Variants in OR14A2 observed in about 807,000 individuals in gnomAD.
The protein encoded by OR14A2 is olfactory receptor family 14 subfamily A member 2.
For synonymous variants in OR14A2, 114 were observed against 58.6 expected (o/e 1.95, Z -4.32); for missense variants, 237 against 152.9 (o/e 1.55, Z -2.90).
chr1:247,740,041 T>C, the OR14A2 span, among the ~76,000 whole-genome samples: 1 of 152,176 alleles, frequency 6.6e-6, no homozygotes, highest in Admixed American at 6.5e-5. Context: ...TGACATCTGT[T>C]ATTCATGTAG....
chr1:247,723,457 G>T (rs772534070), exon 1 of OR14A2: 46 of 717,444 alleles, frequency 6.4e-5, no homozygotes, highest in Non-Finnish European at 1.1e-4. Context: ...TCCAATACCT[G>T]CATAAATTAC....
At chr1:247,732,442 T>C in the OR14A2 span, among the ~76,000 whole-genome samples, 7 of 152,112 alleles carry the variant, frequency 4.6e-5, no homozygotes, top group Non-Finnish European at 1.0e-4. Context: ...TATTCAGGTG[T>C]TTTTTATATT....
chr1:247,744,059 G>A, the OR14A2 span, among the ~76,000 whole-genome samples: 1 of 151,972 alleles, frequency 6.6e-6, no homozygotes, highest in African/African-American at 2.4e-5. The surrounding 1 kb of genome is among the most constrained non-coding windows in gnomAD (Gnocchi z 4.3). Flanking sequence ...CTTTTTCTCT[G>A]AAGTTCTACC....
At chr1:247,726,949 C>T (rs9659042), upstream of OR14A2, among the ~76,000 whole-genome samples, 7,671 of 132,610 alleles carry the variant, frequency 0.058, 302 homozygotes, top group African/African-American at 0.14. Flanking sequence ...TGTAGTATAG[C>T]TTGAAGTCAG....
At chr1:247,736,378 T>A in the OR14A2 span, among the ~76,000 whole-genome samples, 1 of 152,196 alleles carries the variant, frequency 6.6e-6, no homozygotes, top group African/African-American at 2.4e-5. Context: ...CAGTTTTAGA[T>A]TGATTGAGAC....
chr1:247,725,996 G>A (rs1193756171), upstream of OR14A2, among the ~76,000 whole-genome samples: 1 of 144,506 alleles, frequency 6.9e-6, no homozygotes, highest in Non-Finnish European at 1.5e-5. Flanking sequence ...AAACATACGT[G>A]TGCATGTGTC....
the OR14A2 span, chr1:247,738,921 G>T: frequency 1.3e-6 from 1 of 780,566 alleles, no homozygotes; most frequent in Non-Finnish European, 2.4e-6. Context: ...CTTCTTGGTG[G>T]TACTGCTGGC....
At chr1:247,743,652 G>T in the OR14A2 span, among the ~76,000 whole-genome samples, 7,889 of 151,974 alleles carry the variant, frequency 0.052, 271 homozygotes, top group Middle Eastern at 0.12. Flanking sequence ...GCCTTTTTTT[G>T]TGTGTTGCCT....
Position 247,724,023 on chromosome 1 carries a change from C to T in OR14A2, c.21G>A (p.Val7=), listed in dbSNP as rs1203554360. 5.6e-6 allele frequency: 4 copies of T among 711,976 alleles called. No individual in the cohort carries two copies. In the African/African-American group the frequency reaches 7.1e-5, roughly 13 times the overall value. 44.1% of individuals were successfully genotyped at this position (711,976 alleles called of 1,614,324 possible). A position where few individuals can be genotyped will look rare whatever the true frequency, so the allele number is the denominator to read the frequency against. Residue 7 remains valine, a synonymous_variant, in exon 1 of 1, where the codon GTG becomes GTA. Coordinates refer to ENST00000366485, the Ensembl canonical transcript of OR14A2. Reference sequence around the variant, plus strand: ...AAAACCCCATAAGAAGAAATCCTGTCACCAAGGTGACATTGGCCATACTAG... The same window carrying T: ...AAAACCCCATAAGAAGAAATCCTGTTACCAAGGTGACATTGGCCATACTAG...
At chr1:247,727,350 G>A (rs35520497), upstream of OR14A2, among the ~76,000 whole-genome samples, 14,895 of 143,834 alleles carry the variant, frequency 0.1, 1,537 homozygotes, top group African/African-American at 0.27. Flanking sequence ...TTGTTGGTAT[G>A]TAAGAATGCT....
chr1:247,747,063 T>C, the OR14A2 span: 2 of 152,240 alleles, frequency 1.3e-5, no homozygotes, highest in Non-Finnish European at 2.9e-5. Context: ...TTCATTTCAA[T>C]TGAGATTTGA....
chr1:247,740,112 C>T, the OR14A2 span, among the ~76,000 whole-genome samples: 1 of 152,242 alleles, frequency 6.6e-6, no homozygotes, highest in African/African-American at 2.4e-5. Context: ...TGAAGATCCA[C>T]ATGCATTGCA....
At chr1:247,739,505 C>T in the OR14A2 span, 18 of 780,638 alleles carry the variant, frequency 2.3e-5, no homozygotes, top group Admixed American at 1.5e-4. Context: ...ACATTAAATC[C>T]GCTCTGAGTA....
At chr1:247,725,637 C>T (rs924949254), upstream of OR14A2, among the ~76,000 whole-genome samples, 12 of 141,424 alleles carry the variant, frequency 8.5e-5, no homozygotes, top group South Asian at 4.6e-4. Context: ...CCCACTAACT[C>T]GTCATCTAGC....
chr1:247,739,471 T>G, the OR14A2 span: 1 of 780,846 alleles, frequency 1.3e-6, no homozygotes, highest in Non-Finnish European at 2.4e-6. Context: ...TTGAACCCTG[T>G]TATCTACTGT....
the OR14A2 span, among the ~76,000 whole-genome samples, chr1:247,735,288 T>A: frequency 6.6e-6 from 1 of 152,248 alleles, no homozygotes; most frequent in Non-Finnish European, 1.5e-5. Context: ...GTCAGAGCAC[T>A]GCATCTCCCA....
chr1:247,724,247 A>T (rs143947531), upstream of OR14A2, among the ~76,000 whole-genome samples: 1 of 152,128 alleles, frequency 6.6e-6, no homozygotes, highest in African/African-American at 2.4e-5. Flanking sequence ...GATAAACTCC[A>T]TGAGTAATGT....
the OR14A2 span, among the ~76,000 whole-genome samples, chr1:247,735,171 C>T: frequency 5.9e-5 from 9 of 152,102 alleles, no homozygotes; most frequent in African/African-American, 2.2e-4. Context: ...TCTGAAGGGA[C>T]GTCATCTTCC....
the OR14A2 span, among the ~76,000 whole-genome samples, chr1:247,734,425 C>T: frequency 1.3e-5 from 2 of 152,008 alleles, no homozygotes; most frequent in Non-Finnish European, 2.9e-5. Flanking sequence ...GTCATGGCAG[C>T]CTAAACAAAC....
Sources: allele counts gnomAD v4.1 joint callset (sites outside exome capture counted in the v4.1 genomes callset), GRCh38; gene constraint gnomAD v4.1.1; non-coding constraint Gnocchi (gnomAD v3.1); transcripts MANE v1.5; gene names NCBI Gene and HGNC (gene_info 2026-07-23, HGNC 2026-07-21).